MGAT5: variants seen among roughly 807,000 people sequenced by gnomAD.
The protein encoded by MGAT5 is alpha-1,6-mannosylglycoprotein 6-beta-N-acetylglucosaminyltransferase, also known as alpha-1,6-mannosylglycoprotein 6-beta-N-acetylglucosaminyltransferase A.
Under a neutral mutation model 94.3 loss-of-function variants are expected in MGAT5, and 30 were observed. The ratio of observed to expected loss-of-function variants is 0.32; its 90% confidence interval spans 0.24 to 0.43. The LOEUF (loss-of-function observed/expected upper bound fraction) is 0.43, where lower values mean the gene tolerates loss of function less well. Ranked by LOEUF, MGAT5 falls within the 20% of genes least tolerant of loss-of-function variation. The probability of loss-of-function intolerance (pLI) is 1.00; values close to 1 mark genes in which losing one functional copy is unlikely to be tolerated. For synonymous variants in MGAT5, 310 were observed against 322.9 expected, an observed-to-expected ratio of 0.96 and a Z score of 0.43; for missense variants, 691 against 905.5, an observed-to-expected ratio of 0.76 and a Z score of 3.04.
intron 8 of MGAT5, among the ~76,000 whole-genome samples, chr2:134,346,767 A>G (rs1688945070): frequency 6.6e-6 from 1 of 152,152 alleles, no homozygotes; most frequent in African/African-American, 2.4e-5. Context: ...CCTACACACA[A>G]CTAGTATTCT....
chr2:134,405,018 A>AGCAGTGT (rs1205288423), intron 11 of MGAT5, among the ~76,000 whole-genome samples: 1 of 152,250 alleles, frequency 6.6e-6, no homozygotes, highest in African/African-American at 2.4e-5. Context: ...GCTGGTTTTC[A>AGCAGTGT]GCAGTGTGTC....
intron 10 of MGAT5, among the ~76,000 whole-genome samples, chr2:134,388,702 G>A (rs1377277591): frequency 1.6e-5 from 2 of 127,336 alleles, no homozygotes; most frequent in South Asian, 2.5e-4. Flanking sequence ...TCTTCCTCCA[G>A]TATATTTTCT....
intron 1 of MGAT5, among the ~76,000 whole-genome samples, chr2:134,245,477 C>G (rs1682201182): frequency 6.6e-6 from 1 of 152,200 alleles, no homozygotes; most frequent in South Asian, 2.1e-4. Flanking sequence ...TCCCTTTTGT[C>G]CACCTGCCAG....
At chr2:134,339,072 G>T (rs1464388758) in intron 6 of MGAT5, among the ~76,000 whole-genome samples, 1 of 152,182 alleles carries the variant, frequency 6.6e-6, no homozygotes, top group Non-Finnish European at 1.5e-5. Context: ...ACTTAAAAAT[G>T]AGTTTGGTAT....
At chr2:134,405,265 G>A (rs917556406) in intron 11 of MGAT5, among the ~76,000 whole-genome samples, 5 of 152,242 alleles carry the variant, frequency 3.3e-5, no homozygotes, top group African/African-American at 9.6e-5. Flanking sequence ...TAAAGAGCAC[G>A]AGGGGTGTAT....
intron 1 of MGAT5, among the ~76,000 whole-genome samples, chr2:134,213,321 G>GC (rs939274974): frequency 1.1e-4 from 16 of 149,044 alleles, no homozygotes; most frequent in South Asian, 6.5e-4. Context: ...AGACTTGGGA[G>GC]CCCCCCCGCC....
At chr2:134,299,084 G>C (rs531140966) in intron 2 of MGAT5, among the ~76,000 whole-genome samples, 2 of 152,200 alleles carry the variant, frequency 1.3e-5, no homozygotes, top group South Asian at 4.1e-4. Context: ...TTCTTCCCTA[G>C]AATTTATATC....
chr2:134,354,084 G>T (rs1679564881), intron 9 of MGAT5, among the ~76,000 whole-genome samples: 1 of 152,116 alleles, frequency 6.6e-6, no homozygotes, highest in Non-Finnish European at 1.5e-5. Context: ...GGTCTGAAGA[G>T]AAATACCGTT....
At chr2:134,152,984 A>G (rs531485351) in intron 1 of MGAT5, among the ~76,000 whole-genome samples, 15 of 149,878 alleles carry the variant, frequency 1.0e-4, no homozygotes, top group Non-Finnish European at 1.0e-4. Context: ...GCTCACTGCA[A>G]CCTCCACCTC....
intron 1 of MGAT5, among the ~76,000 whole-genome samples, chr2:134,262,018 C>G (rs1683369226): frequency 6.6e-6 from 1 of 152,206 alleles, no homozygotes; most frequent in African/African-American, 2.4e-5. Context: ...GTTAGTGTTT[C>G]TGTTGGGCGG....
At chr2:134,395,423 T>C (rs919078576) in intron 10 of MGAT5, among the ~76,000 whole-genome samples, 4 of 152,188 alleles carry the variant, frequency 2.6e-5, no homozygotes, top group African/African-American at 9.7e-5. Context: ...CTGAGAGATG[T>C]AGAGTGGGCA....
intron 1 of MGAT5, among the ~76,000 whole-genome samples, chr2:134,158,444 C>T (rs1457228418): frequency 6.6e-6 from 1 of 152,208 alleles, no homozygotes; most frequent in African/African-American, 2.4e-5. Flanking sequence ...GGCCAGGTTG[C>T]GACAGTGCCT....
chr2:134,343,035 T>A (rs1196065636), intron 7 of MGAT5, among the ~76,000 whole-genome samples: 5 of 152,002 alleles, frequency 3.3e-5, no homozygotes, highest in Non-Finnish European at 7.4e-5. Flanking sequence ...TAGCAAGTAA[T>A]GAGTACTCAC....
chr2:134,143,486 G>A (rs1046521902), intron 1 of MGAT5, among the ~76,000 whole-genome samples: 28 of 152,188 alleles, frequency 1.8e-4, no homozygotes, highest in African/African-American at 6.8e-4. Context: ...CTCCTGACAT[G>A]TTCTTGTTTC....
In MGAT5 at chr2:134,438,997, G is replaced by A. The variant is rs569834621; in HGVS notation, c.1870-2761G>A. 6.6e-5 allele frequency among the ~76,000 whole-genome samples: 10 copies of A among 152,202 alleles called. No homozygotes were observed. The East Asian group carries it at 1.5e-3, about 23-fold the overall frequency. On this transcript the variant is annotated intron_variant, in intron 14 of 15. Coordinates refer to ENST00000281923, the MANE Select transcript of MGAT5 (RefSeq NM_002410.5). ...GCTCATTAACCACCAAAACTCATTC[G>A]GGCTGGAGTAGTCAAATCCCCTCAT...
intron 12 of MGAT5, among the ~76,000 whole-genome samples, chr2:134,419,649 A>AT (rs34385963): frequency 0.8 from 122,276 of 152,084 alleles, 50,432 homozygotes; most frequent in East Asian, 1. Flanking sequence ...TTCTCAATAA[A>AT]TAGCAAGAAG....
At chr2:134,147,864 C>A (rs1164647068) in intron 1 of MGAT5, among the ~76,000 whole-genome samples, 1 of 152,148 alleles carries the variant, frequency 6.6e-6, no homozygotes. Flanking sequence ...GCATTTTCTT[C>A]CATTGTGAAT....
chr2:134,251,726 A>G (rs1272387104), upstream of MGAT5, among the ~76,000 whole-genome samples: 1 of 152,246 alleles, frequency 6.6e-6, no homozygotes, highest in Non-Finnish European at 1.5e-5. Context: ...GATAGTTAGC[A>G]TGCACATCAC....
intron 4 of MGAT5, among the ~76,000 whole-genome samples, chr2:134,330,643 T>G (rs1269020276): frequency 6.6e-6 from 1 of 151,764 alleles, no homozygotes; most frequent in Non-Finnish European, 1.5e-5. Flanking sequence ...GTAACTCCTT[T>G]AAAAATTATT....
Sources: gnomAD v4.1 joint callset for allele counts (sites outside exome capture counted in the v4.1 genomes callset) on GRCh38, gnomAD v4.1.1 for gene constraint, MANE v1.5 for transcripts, NCBI Gene and HGNC (gene_info 2026-07-23, HGNC 2026-07-21) for gene names.